SORCS2: variants seen among roughly 807,000 people sequenced by gnomAD.
SORCS2 encodes VPS10 domain-containing receptor SorCS2.
In SORCS2, 100 loss-of-function variants were observed where a neutral mutation model predicts 141.6. That is an observed-to-expected ratio of 0.71 (90% confidence interval 0.60 to 0.83). The LOEUF (loss-of-function observed/expected upper bound fraction) is 0.83, where lower values mean the gene tolerates loss of function less well. SORCS2 is among the 40% of genes least tolerant of loss of function. The probability of loss-of-function intolerance (pLI) is 0.00; values close to 1 mark genes in which losing one functional copy is unlikely to be tolerated. For missense variants in SORCS2, 1,646 were observed against 1,560.2 expected (o/e 1.05, Z -0.93); for synonymous variants, 789 against 676.9 (o/e 1.17, Z -2.57).
chr4:7,443,989 G>A (rs1727839276), intron 2 of SORCS2, among the ~76,000 whole-genome samples: 1 of 152,244 alleles, frequency 6.6e-6, no homozygotes, highest in African/African-American at 2.4e-5. Flanking sequence ...AGCGAGTTGG[G>A]AGTGCCTCAC....
chr4:7,674,578 TAAAAAAAAA>T (rs377431157), intron 8 of SORCS2, among the ~76,000 whole-genome samples: 21 of 82,586 alleles, frequency 2.5e-4, no homozygotes, highest in South Asian at 4.4e-4. Flanking sequence ...TGTCTCAAAA[TAAAAAAAAA>T]AAAAAAAAAA....
intron 1 of SORCS2, among the ~76,000 whole-genome samples, chr4:7,374,477 C>T (rs780578885): frequency 3.9e-5 from 6 of 152,166 alleles, no homozygotes; most frequent in African/African-American, 1.2e-4. Context: ...GCAGCATTGG[C>T]AGCAGCCCTG....
chr4:7,740,940 G>T lies in SORCS2; in HGVS notation c.*676G>T. ...TCCGTACTCGGGAGCCCCTTTCCCT[G>T]AGTGCCCAGGGTGTCTCCTCTGCCC... On this transcript the variant is annotated 3_prime_UTR_variant, in exon 27 of 27. Transcript: ENST00000507866. 1 of 398,220 alleles carries T rather than the reference G, an allele frequency of 2.5e-6. No individual in the cohort carries two copies. The highest frequency in any genetic ancestry group is 4.4e-6 in the Non-Finnish European group (1 of 226,436). The allele number at this position is 398,220 out of a possible 1,614,324, so 24.7% of individuals were successfully genotyped here.
intron 1 of SORCS2, among the ~76,000 whole-genome samples, chr4:7,317,668 TGAGGCTTAGG>T: frequency 1.4e-5 from 1 of 72,532 alleles, no homozygotes; most frequent in Non-Finnish European, 3.1e-5. Context: ...TTTCCAGGGC[TGAGGCTTAGG>T]ACTTGGGGGC....
chr4:7,252,826 G>T (rs2108807817), intron 1 of SORCS2, among the ~76,000 whole-genome samples: 1 of 152,370 alleles, frequency 6.6e-6, no homozygotes, highest in South Asian at 2.1e-4. Context: ...CAACCAGCCT[G>T]GTTCCTCATG....
chr4:7,263,630 C>T (rs57599298), intron 1 of SORCS2, among the ~76,000 whole-genome samples: 10,727 of 152,244 alleles, frequency 0.07, 1,099 homozygotes, highest in African/African-American at 0.23. Context: ...CAGCTAAGCC[C>T]GTGGTCTCTG....
At chr4:7,712,150 C>G (rs1725861939) in intron 14 of SORCS2, among the ~76,000 whole-genome samples, 2 of 152,218 alleles carry the variant, frequency 1.3e-5, no homozygotes, top group African/African-American at 4.8e-5. Flanking sequence ...CTGCGACGGG[C>G]CAACCTTGCT....
intron 3 of SORCS2, among the ~76,000 whole-genome samples, chr4:7,631,857 G>A (rs1226041109): frequency 6.6e-6 from 1 of 151,898 alleles, no homozygotes; most frequent in Admixed American, 6.6e-5. Context: ...ACTTCTGGAA[G>A]CCATTTCCTG....
intron 2 of SORCS2, among the ~76,000 whole-genome samples, chr4:7,478,821 C>A (rs73088063): frequency 0.02 from 2,993 of 152,276 alleles, 98 homozygotes; most frequent in African/African-American, 0.069. Context: ...CGGCCCATGA[C>A]AGGGGAGACC....
intron 1 of SORCS2, among the ~76,000 whole-genome samples, chr4:7,353,485 G>A (rs1057479809): frequency 2.0e-5 from 3 of 152,242 alleles, no homozygotes; most frequent in Non-Finnish European, 4.4e-5. Context: ...GGGCCTGGTG[G>A]TGGGGCTCTG....
rs73084721 is a variant in SORCS2 at position 7,557,520 on chromosome 4, A to G, written c.648+25891A>G. Among the ~76,000 whole-genome samples, 10 of 152,356 alleles carry G rather than the reference A, an allele frequency of 6.6e-5. No individual in the cohort carries two copies. The East Asian group carries it at 1.9e-3, about 29-fold the overall frequency. ...TTCTCTTTATCACACTTTTAAGTAG[A>G]TAGAGATGAATAACCAACTATGGAG... is the stretch of plus-strand genomic sequence containing the variant. On this transcript the variant is annotated intron_variant, in intron 3 of 26. Coordinates refer to ENST00000507866, the MANE Select transcript of SORCS2 (RefSeq NM_020777.3).
intron 1 of SORCS2, among the ~76,000 whole-genome samples, chr4:7,292,237 C>A (rs1716658821): frequency 6.6e-6 from 1 of 151,860 alleles, no homozygotes; most frequent in Non-Finnish European, 1.5e-5. Flanking sequence ...GTCCGTTCAC[C>A]AAGGAGGCTC....
Position 7,728,374 on chromosome 4 carries a change from A to T in SORCS2, c.2894A>T (p.Gln965Leu). 1 of 1,613,732 alleles carries T rather than the reference A, an allele frequency of 6.2e-7. No homozygotes were observed. Among genetic ancestry groups the T allele is most frequent in the South Asian group, 1.1e-5 (1 of 91,042 alleles). ...GATCAATTTCAAGTCATGCCTCTGC[A>T]GTTTTCCAAGGAGCTGGATGCCTAC... The part of the protein sequence containing the change: ...VLDQFQVMPL[Q>L]FSKELDAYNP... The change falls in exon 22 of 27, where the codon CAG (glutamine) becomes CTG (leucine). Residue 965 changes from glutamine to leucine, a missense_variant. Physicochemically the swap from Gln to Leu is moderately radical, Grantham distance 113 (BLOSUM62 -2). Transcript: ENST00000507866.
rs568012398 is a variant in SORCS2 at position 7,596,834 on chromosome 4, G to A, written c.649-41494G>A. Among the ~76,000 whole-genome samples, 32 of 152,232 alleles carry A rather than the reference G, an allele frequency of 2.1e-4. No individual in the cohort carries two copies. The South Asian group carries it at 6.2e-3, about 30-fold the overall frequency. ...GAGGGGCTTGGACTGCTCAGGCCAC[G>A]CAGTGAGCAGGCAGAGGGACTTCAG... On this transcript the variant is annotated intron_variant, in intron 3 of 26. Transcript: ENST00000507866.
chr4:7,724,277 G>A (rs947618586), intron 19 of SORCS2, among the ~76,000 whole-genome samples: 14 of 142,876 alleles, frequency 9.8e-5, no homozygotes, highest in Admixed American at 3.5e-4. Context: ...GATGATGGTG[G>A]TGGTGGTGGT....
At chr4:7,232,054 C>T (rs1269196451) in intron 1 of SORCS2, among the ~76,000 whole-genome samples, 2 of 152,180 alleles carry the variant, frequency 1.3e-5, no homozygotes, top group Non-Finnish European at 2.9e-5. Context: ...ATCTGGGCAG[C>T]GGAGCTGAGA....
intron 1 of SORCS2, among the ~76,000 whole-genome samples, chr4:7,284,496 T>C (rs111461351): frequency 0.016 from 2,450 of 152,318 alleles, 68 homozygotes; most frequent in African/African-American, 0.056. Flanking sequence ...ACTTTCTCGC[T>C]GTGCAGACCT....
chr4:7,644,542 T>C (rs1363754008), intron 4 of SORCS2, among the ~76,000 whole-genome samples: 1 of 152,244 alleles, frequency 6.6e-6, no homozygotes, highest in African/African-American at 2.4e-5. Context: ...GATGCTGGGC[T>C]GCAGCTTTCA....
intron 3 of SORCS2, among the ~76,000 whole-genome samples, chr4:7,535,638 C>T (rs1712058648): frequency 6.6e-6 from 1 of 152,256 alleles, no homozygotes; most frequent in Non-Finnish European, 1.5e-5. Flanking sequence ...TCGTGTGACC[C>T]ACCGTTATCC....
Sources: allele counts gnomAD v4.1 joint callset (sites outside exome capture counted in the v4.1 genomes callset), GRCh38; gene constraint gnomAD v4.1.1; transcripts MANE v1.5; gene names NCBI Gene and HGNC (gene_info 2026-07-23, HGNC 2026-07-21).